The following TUSC3 variants were observed in gnomAD, a reference collection of about 807,000 sequenced individuals.
The protein encoded by TUSC3 is dolichyl-diphosphooligosaccharide--protein glycosyltransferase subunit TUSC3.
A neutral mutation model predicts 44.8 loss-of-function variants in TUSC3; 45 were observed. The ratio of observed to expected loss-of-function variants is 1.00; its 90% CI spans 0.79 to 1.29. The LOEUF is 1.29. TUSC3 is among the 50% of genes most tolerant of loss of function. The probability of loss-of-function intolerance (pLI) is 0.00; values close to 1 mark genes in which losing one functional copy is unlikely to be tolerated. For synonymous variants in TUSC3, 212 were observed against 152.9 expected, an observed-to-expected ratio of 1.39 and a Z score of -2.85; for missense variants, 519 against 437.9, an observed-to-expected ratio of 1.19 and a Z score of -1.65.
intron 6 of TUSC3, among the ~76,000 whole-genome samples, chr8:15,708,199 A>G (rs1172160028): frequency 6.6e-6 from 1 of 151,942 alleles, no homozygotes; most frequent in Admixed American, 6.6e-5. Flanking sequence ...GAAAATACCC[A>G]AAGGCCTAGA....
At chr8:15,651,309 T>G (rs1181810526) in intron 3 of TUSC3, among the ~76,000 whole-genome samples, 1 of 152,186 alleles carries the variant, frequency 6.6e-6, no homozygotes. Flanking sequence ...TATTGCAAGT[T>G]TTACTTAACT....
intron 1 of TUSC3, among the ~76,000 whole-genome samples, chr8:15,457,392 A>G (rs752129193): frequency 7.9e-5 from 12 of 151,854 alleles, no homozygotes; most frequent in Non-Finnish European, 1.2e-4. Flanking sequence ...CATATGGCCA[A>G]TAATCATATG....
intron 1 of TUSC3, among the ~76,000 whole-genome samples, chr8:15,447,535 T>C (rs28513834): frequency 0.013 from 1,904 of 152,246 alleles, 40 homozygotes; most frequent in African/African-American, 0.044. Context: ...ACCGAAAACG[T>C]TGGCTATGAA....
chr8:15,761,955 G>A (rs150646500), intron 10 of TUSC3, among the ~76,000 whole-genome samples: 5 of 149,494 alleles, frequency 3.3e-5, no homozygotes, highest in East Asian at 1.9e-4. Flanking sequence ...AAAAAAATAC[G>A]TGTCAGATCT....
intron 6 of TUSC3, among the ~76,000 whole-genome samples, chr8:15,708,408 A>G (rs766125208): frequency 6.6e-6 from 1 of 151,964 alleles, no homozygotes; most frequent in Non-Finnish European, 1.5e-5. Flanking sequence ...GCAGATTTGT[A>G]TTTTAGAAAA....
At chr8:15,435,059 G>C (rs979443327) in intron 1 of TUSC3, among the ~76,000 whole-genome samples, 1 of 148,514 alleles carries the variant, frequency 6.7e-6, no homozygotes, top group African/African-American at 2.6e-5. Context: ...CCAGTAATGG[G>C]ATGGCTGGGT....
chr8:15,831,979 GAC>G, the TUSC3 span, among the ~76,000 whole-genome samples: 2 of 152,082 alleles, frequency 1.3e-5, no homozygotes, highest in Admixed American at 1.3e-4. Flanking sequence ...TTATGCCCAA[GAC>G]ACATAGTCAT....
At chr8:15,622,150 C>T (rs188404949) in intron 1 of TUSC3, among the ~76,000 whole-genome samples, 268 of 152,238 alleles carry the variant, frequency 1.8e-3, no homozygotes, top group Non-Finnish European at 3.2e-3. Flanking sequence ...TCAAGCCTCC[C>T]TCTCCTGACC....
chr8:15,647,535 TG>T (rs1455703583), intron 2 of TUSC3, among the ~76,000 whole-genome samples: 1 of 152,200 alleles, frequency 6.6e-6, no homozygotes, highest in Non-Finnish European at 1.5e-5. Context: ...TAGTTTGTAT[TG>T]GTTGCATCAT....
intron 1 of TUSC3, among the ~76,000 whole-genome samples, chr8:15,567,839 G>A (rs1019869748): frequency 7.9e-5 from 12 of 152,098 alleles, no homozygotes; most frequent in African/African-American, 1.4e-4. Flanking sequence ...GGCATATGCC[G>A]AACTAAAAAG....
At chr8:15,587,926 TTA>T (rs545694654) in intron 1 of TUSC3, among the ~76,000 whole-genome samples, 5 of 152,076 alleles carry the variant, frequency 3.3e-5, no homozygotes, top group Non-Finnish European at 7.4e-5. Context: ...TAATATTCTA[TTA>T]TATATATATG....
intron 6 of TUSC3, among the ~76,000 whole-genome samples, chr8:15,728,033 T>A (rs1209170163): frequency 7.2e-5 from 11 of 152,212 alleles, no homozygotes; most frequent in Admixed American, 7.2e-4. Context: ...ATCAGTTTCA[T>A]GAAATAAGTC....
the TUSC3 span, among the ~76,000 whole-genome samples, chr8:15,847,221 T>C: frequency 4.6e-5 from 7 of 152,184 alleles, no homozygotes; most frequent in East Asian, 1.4e-3. Context: ...TGTGAGGGTG[T>C]GTATGAGACA....
chr8:15,851,956 T>C, the TUSC3 span, among the ~76,000 whole-genome samples: 1 of 152,108 alleles, frequency 6.6e-6, no homozygotes, highest in African/African-American at 2.4e-5. Flanking sequence ...TAAGGGGAAA[T>C]CCCTTTTGCT....
At chr8:15,727,905 G>T (rs1810563398) in intron 6 of TUSC3, among the ~76,000 whole-genome samples, 2 of 152,122 alleles carry the variant, frequency 1.3e-5, no homozygotes, top group South Asian at 4.1e-4. Flanking sequence ...AAAAATAATT[G>T]AGGTTAAGTA....
intron 1 of TUSC3, among the ~76,000 whole-genome samples, chr8:15,602,666 A>ATGTGTGTGTGTGTGTG (rs60206119): frequency 2.1e-5 from 3 of 145,872 alleles, no homozygotes; most frequent in African/African-American, 7.5e-5. Context: ...AAATATTTAT[A>ATGTGTGTGTGTGTGTG]TGTGTGTGTG....
intron 6 of TUSC3, among the ~76,000 whole-genome samples, chr8:15,696,242 G>C (rs1338676683): frequency 6.6e-6 from 1 of 152,130 alleles, no homozygotes; most frequent in East Asian, 1.9e-4. Context: ...TTGCATCCTT[G>C]CTGCTCCAGC....
chr8:15,614,173 T>C (rs1804887269), intron 1 of TUSC3, among the ~76,000 whole-genome samples: 1 of 152,182 alleles, frequency 6.6e-6, no homozygotes, highest in Admixed American at 6.5e-5. Flanking sequence ...GCATTAGCCA[T>C]AACACATATT....
At chr8:15,542,993 G>A (rs145936335) in intron 1 of TUSC3, among the ~76,000 whole-genome samples, 3 of 152,262 alleles carry the variant, frequency 2.0e-5, no homozygotes, top group Admixed American at 6.5e-5. Context: ...CTGAAATACA[G>A]GCCATTCCGT....
Sources: gnomAD v4.1 joint callset for allele counts (sites outside exome capture counted in the v4.1 genomes callset) on GRCh38, gnomAD v4.1.1 for gene constraint, MANE v1.5 for transcripts, NCBI Gene and HGNC (gene_info 2026-07-23, HGNC 2026-07-21) for gene names.